The following CNTN3 variants were observed in gnomAD, a reference collection of about 807,000 sequenced individuals.
The protein encoded by CNTN3 is contactin-3.
CNTN3 carries 60 observed loss-of-function variants against 119.1 expected under a neutral mutation model. The observed-to-expected ratio is 0.50, with a 90% CI of 0.41 to 0.62. CNTN3 has a LOEUF of 0.62. Among genes scored for constraint, CNTN3 ranks in the 20% least tolerant of loss-of-function variants. The pLI, the probability that CNTN3 is intolerant of heterozygous loss-of-function variation, is 0.00. For synonymous variants in CNTN3, 450 were observed against 438.7 expected, an observed-to-expected ratio of 1.03 and a Z score of -0.32; for missense variants, 1,101 against 1,242.4, an observed-to-expected ratio of 0.89 and a Z score of 1.71.
At chr3:74,469,523 T>A (rs1406485737) in intron 4 of CNTN3, among the ~76,000 whole-genome samples, 1 of 152,126 alleles carries the variant, frequency 6.6e-6, no homozygotes, top group Non-Finnish European at 1.5e-5. Flanking sequence ...AATAACCCAA[T>A]TTAAAAATGG....
At chr3:74,266,893 G>T (rs183096483) in intron 21 of CNTN3, among the ~76,000 whole-genome samples, 9 of 152,230 alleles carry the variant, frequency 5.9e-5, no homozygotes, top group African/African-American at 2.2e-4. Context: ...GCTGGGCTGC[G>T]TATTTATGAG....
chr3:74,439,918 T>A lies in CNTN3; in HGVS notation c.359-14978A>T, dbSNP rs77049819. ...TGACCTTCTGAATCTGGCCAACTGG[T>A]TCCTTAACCATGCAGTTCCTTGGTT... On this transcript the variant is annotated intron_variant, in intron 4 of 22. Transcript: ENST00000263665. 5.3e-5 allele frequency among the ~76,000 whole-genome samples: 8 copies of A among 152,294 alleles called. No homozygotes were observed. In the East Asian group the frequency reaches 1.5e-3, roughly 29 times the overall value.
intron 1 of CNTN3, among the ~76,000 whole-genome samples, chr3:74,591,289 C>T (rs1187556854): frequency 6.6e-6 from 1 of 151,910 alleles, no homozygotes; most frequent in Non-Finnish European, 1.5e-5. Context: ...GTTTGAAAAC[C>T]ACTGACTCCA....
intron 5 of CNTN3, 48 bp downstream of exon 5, chr3:74,424,797 G>A (rs763282451): frequency 2.0e-6 from 3 of 1,487,488 alleles, no homozygotes; most frequent in Non-Finnish European, 2.8e-6. Flanking sequence ...TGCAGGCCTT[G>A]CCCTGAACCT....
intron 11 of CNTN3, among the ~76,000 whole-genome samples, chr3:74,343,096 G>A (rs517157): frequency 0.029 from 4,424 of 152,182 alleles, 157 homozygotes; most frequent in African/African-American, 0.083. Context: ...AGTCTAACCA[G>A]GGAAAATAAA....
chr3:74,461,415 C>G (rs780692380), intron 4 of CNTN3, among the ~76,000 whole-genome samples: 3 of 151,984 alleles, frequency 2.0e-5, no homozygotes, highest in Non-Finnish European at 4.4e-5. Flanking sequence ...ACTTGTTCTT[C>G]TATCCCCTAA....
chr3:74,298,478 G>T (rs1809043), intron 17 of CNTN3, among the ~76,000 whole-genome samples: 36,347 of 151,858 alleles, frequency 0.24, 4,891 homozygotes, highest in East Asian at 0.54. Flanking sequence ...TTTCTAATAG[G>T]AAGATATACT....
intron 4 of CNTN3, among the ~76,000 whole-genome samples, chr3:74,433,474 T>G (rs1217657319): frequency 6.6e-6 from 1 of 152,188 alleles, no homozygotes; most frequent in Non-Finnish European, 1.5e-5. Flanking sequence ...TAACACTATT[T>G]AGGAAATGTA....
chr3:74,502,164 A>G (rs2107083798), intron 2 of CNTN3, among the ~76,000 whole-genome samples: 1 of 152,264 alleles, frequency 6.6e-6, no homozygotes, highest in South Asian at 2.1e-4. Flanking sequence ...TGATGTTTGT[A>G]CAGCTTGAAA....
chr3:74,434,918 T>C (rs991220020), intron 4 of CNTN3, among the ~76,000 whole-genome samples: 2 of 152,216 alleles, frequency 1.3e-5, no homozygotes, highest in Admixed American at 6.5e-5. Flanking sequence ...CAGATATTTT[T>C]TGGATGTCCA....
At chr3:74,426,549 T>C (rs1254440376) in intron 4 of CNTN3, among the ~76,000 whole-genome samples, 1 of 152,174 alleles carries the variant, frequency 6.6e-6, no homozygotes, top group Admixed American at 6.5e-5. Flanking sequence ...CTCACGTTAT[T>C]GTTACTGAAA....
At chr3:74,424,976 A>G (rs751810787) in intron 4 of CNTN3, 36 bp from the exon 5 acceptor site, 5 of 1,405,772 alleles carry the variant, frequency 3.6e-6, no homozygotes, top group Non-Finnish European at 4.9e-6. Context: ...AATTTTAGAA[A>G]GACCAATTAA....
chr3:74,426,733 C>A (rs1367159852), intron 4 of CNTN3, among the ~76,000 whole-genome samples: 1 of 152,260 alleles, frequency 6.6e-6, no homozygotes, highest in South Asian at 2.1e-4. Context: ...AACTAAAATG[C>A]AACATTCTCA....
intron 5 of CNTN3, among the ~76,000 whole-genome samples, chr3:74,397,263 C>T (rs1337094384): frequency 1.3e-5 from 2 of 152,142 alleles, no homozygotes; most frequent in African/African-American, 2.4e-5. Context: ...ATTTTAAGTC[C>T]ATTGTTGAGA....
intron 1 of CNTN3, among the ~76,000 whole-genome samples, chr3:74,594,341 G>C (rs1704758851): frequency 7.4e-6 from 1 of 134,664 alleles, no homozygotes; most frequent in African/African-American, 2.8e-5. Context: ...TGTGCACAAT[G>C]TGCAGGTTAT....
chr3:74,314,035 A>G (rs1266428558), intron 13 of CNTN3, among the ~76,000 whole-genome samples: 2 of 152,184 alleles, frequency 1.3e-5, no homozygotes, highest in African/African-American at 2.4e-5. Flanking sequence ...CTCCAACCCC[A>G]TTCATGAGGG....
At chr3:74,350,378 A>G (rs1226626914) in intron 11 of CNTN3, among the ~76,000 whole-genome samples, 4 of 152,200 alleles carry the variant, frequency 2.6e-5, no homozygotes, top group Non-Finnish European at 5.9e-5. Context: ...ATGAGATACC[A>G]TCTCACACCA....
At chr3:74,490,205 A>G (rs148678620) in intron 3 of CNTN3, among the ~76,000 whole-genome samples, 247 of 152,306 alleles carry the variant, frequency 1.6e-3, no homozygotes, top group Admixed American at 4.5e-3. Flanking sequence ...TTAATTTTTA[A>G]GCTGTAAGAG....
chr3:74,395,081 AT>A (rs1333406514), intron 5 of CNTN3, among the ~76,000 whole-genome samples: 1 of 152,164 alleles, frequency 6.6e-6, no homozygotes, highest in Non-Finnish European at 1.5e-5. Flanking sequence ...TAGATTAGAT[AT>A]TTGCATGCAC....
Sources: gnomAD v4.1 joint callset for allele counts (sites outside exome capture counted in the v4.1 genomes callset) on GRCh38, gnomAD v4.1.1 for gene constraint, MANE v1.5 for transcripts, NCBI Gene and HGNC (gene_info 2026-07-23, HGNC 2026-07-21) for gene names.